Variants in MYO1E observed in about 807,000 individuals in gnomAD.
MYO1E encodes unconventional myosin-Ie.
A neutral mutation model predicts 151.1 loss-of-function variants in MYO1E; 68 were observed. The observed-to-expected ratio is 0.45, with a 90% CI of 0.37 to 0.55. MYO1E has a LOEUF of 0.55. Among genes scored for constraint, MYO1E ranks in the 20% least tolerant of loss-of-function variants. The pLI is 0.00. For synonymous variants in MYO1E, 601 were observed against 501.7 expected (o/e 1.20, Z -2.64); for missense variants, 1,363 against 1,389.3 (o/e 0.98, Z 0.30).
chr15:59,192,565 T>C (rs1376427907), intron 17 of MYO1E, among the ~76,000 whole-genome samples: 2 of 152,192 alleles, frequency 1.3e-5, no homozygotes, highest in Non-Finnish European at 1.5e-5. Context: ...AGTTGTTCCC[T>C]AGGCTATGCC....
chr15:59,217,569 A>AG, intron 10 of MYO1E, among the ~76,000 whole-genome samples: 3 of 101,982 alleles, frequency 2.9e-5, no homozygotes, highest in South Asian at 6.5e-4. Context: ...TCTAACCCCC[A>AG]GGCTGGAGTG....
At chr15:59,338,104 G>C (rs567032248) in intron 1 of MYO1E, among the ~76,000 whole-genome samples, 1 of 151,738 alleles carries the variant, frequency 6.6e-6, no homozygotes, top group Non-Finnish European at 1.5e-5. Context: ...TGTAACTAAA[G>C]TGGCCCTATA....
At chr15:59,205,283 C>T (rs1566977988) in intron 15 of MYO1E, 117 bp downstream of exon 15, 2 of 1,019,596 alleles carry the variant, frequency 2.0e-6, no homozygotes, top group South Asian at 1.3e-5. Context: ...CTGCCTTAGC[C>T]TCCTGAGTAG....
chr15:59,145,676 G>GCCACCGCACCGGGTT (rs1486194036), intron 26 of MYO1E, among the ~76,000 whole-genome samples: 2 of 152,166 alleles, frequency 1.3e-5, no homozygotes, highest in Admixed American at 6.5e-5. Context: ...ACAGTCGTGA[G>GCCACCGCACCGGGTT]CCACTGTGCC....
Position 59,158,350 on chromosome 15 carries a change from T to C in MYO1E, c.2815A>G (p.Thr939Ala). Reference sequence around the variant, plus strand: ...TTTTGAGTCCCACTGGAATAACCTGTATTTTGGGTAGTGTTCCTTCTGGTA... The same window carrying C: ...TTTTGAGTCCCACTGGAATAACCTGCATTTTGGGTAGTGTTCCTTCTGGTA... ...RPTRRNTTQN[T>A]GYSSGTQNAN... The change falls in exon 25 of 28, where the codon ACA (threonine) becomes GCA (alanine). Residue 939 changes from threonine to alanine, a missense_variant. Physicochemically the swap from Thr to Ala is moderately conservative, Grantham distance 58 (BLOSUM62 0). Transcript: ENST00000288235. 1 of 1,571,272 alleles carries C rather than the reference T, an allele frequency of 6.4e-7. No individual in the cohort carries two copies. The highest frequency in any genetic ancestry group is 8.6e-7 in the Non-Finnish European group (1 of 1,156,096).
At chr15:59,261,687 T>C (rs538137556) in intron 2 of MYO1E, among the ~76,000 whole-genome samples, 178 bp from the exon 3 acceptor site, 2 of 152,326 alleles carry the variant, frequency 1.3e-5, no homozygotes, top group East Asian at 1.9e-4. Context: ...ACAGGCTTTA[T>C]TCCTCCTAAG....
chr15:59,286,792 A>G (rs1443301792), intron 1 of MYO1E, among the ~76,000 whole-genome samples: 1 of 152,330 alleles, frequency 6.6e-6, no homozygotes, highest in African/African-American at 2.4e-5. Context: ...TCTATGGCAC[A>G]GTGGCACCAT....
chr15:59,286,805 C>T (rs1567003296), intron 1 of MYO1E, among the ~76,000 whole-genome samples: 1 of 152,182 alleles, frequency 6.6e-6, no homozygotes, highest in African/African-American at 2.4e-5. Flanking sequence ...GGCACCATGT[C>T]CCTCTTGGGG....
intron 18 of MYO1E, among the ~76,000 whole-genome samples, chr15:59,186,858 A>C (rs116626172): frequency 0.014 from 2,101 of 152,338 alleles, 41 homozygotes; most frequent in African/African-American, 0.048. Context: ...GAATCATTAG[A>C]GAAGTTAGAG....
At chr15:59,354,308 A>C (rs2080841680) in intron 1 of MYO1E, among the ~76,000 whole-genome samples, 1 of 152,336 alleles carries the variant, frequency 6.6e-6, no homozygotes, top group East Asian at 1.9e-4. Flanking sequence ...GGCTTAAGGA[A>C]AAACAAAGGC....
At chr15:59,219,736 C>A (rs1304653515) in intron 9 of MYO1E, among the ~76,000 whole-genome samples, 1 of 152,222 alleles carries the variant, frequency 6.6e-6, no homozygotes, top group Non-Finnish European at 1.5e-5. Flanking sequence ...GTCTAGGAAT[C>A]TGGATATGTC....
chr15:59,196,795 T>C (rs1183833208), intron 16 of MYO1E, among the ~76,000 whole-genome samples: 7 of 152,090 alleles, frequency 4.6e-5, no homozygotes, highest in Admixed American at 1.3e-4. Flanking sequence ...AAAAAGTAAA[T>C]TGCCTCTTAT....
intron 1 of MYO1E, among the ~76,000 whole-genome samples, chr15:59,285,743 A>G (rs1470339425): frequency 6.6e-6 from 1 of 152,210 alleles, no homozygotes; most frequent in Non-Finnish European, 1.5e-5. Flanking sequence ...AAGAAAAAGA[A>G]AAGAAAAAAT....
chr15:59,270,277 C>T (rs891318535), intron 2 of MYO1E, among the ~76,000 whole-genome samples: 7 of 152,040 alleles, frequency 4.6e-5, no homozygotes, highest in South Asian at 2.1e-4. Flanking sequence ...CATTGCCAGG[C>T]GCAGTGGCTC....
intron 1 of MYO1E, among the ~76,000 whole-genome samples, chr15:59,293,858 C>T (rs909672709): frequency 6.6e-6 from 1 of 152,118 alleles, no homozygotes; most frequent in African/African-American, 2.4e-5. Context: ...GCCTGGGAAA[C>T]ATGGTGAAAC....
At chr15:59,144,612 T>C (rs2079429955) in intron 26 of MYO1E, among the ~76,000 whole-genome samples, 1 of 151,792 alleles carries the variant, frequency 6.6e-6, no homozygotes, top group Admixed American at 6.6e-5. Context: ...TTTTTTCTGA[T>C]TCTAGGAAAG....
intron 1 of MYO1E, among the ~76,000 whole-genome samples, chr15:59,285,736 A>G (rs1309848629): frequency 2.0e-5 from 3 of 152,220 alleles, no homozygotes; most frequent in African/African-American, 7.2e-5. Flanking sequence ...AATTTTTAAG[A>G]AAAAGAAAAG....
intron 26 of MYO1E, among the ~76,000 whole-genome samples, chr15:59,143,923 C>G (rs1397103909): frequency 2.0e-5 from 3 of 152,202 alleles, no homozygotes; most frequent in African/African-American, 7.2e-5. Context: ...CGGCCATACC[C>G]TCTCCTAGCC....
intron 1 of MYO1E, among the ~76,000 whole-genome samples, chr15:59,351,731 C>T (rs2080824373): frequency 9.6e-6 from 1 of 104,022 alleles, no homozygotes; most frequent in African/African-American, 2.5e-5. Flanking sequence ...TGAAGATATA[C>T]TCACAGGACG....
Sources: allele counts gnomAD v4.1 joint callset (sites outside exome capture counted in the v4.1 genomes callset), GRCh38; gene constraint gnomAD v4.1.1; transcripts MANE v1.5; gene names NCBI Gene and HGNC (gene_info 2026-07-23, HGNC 2026-07-21).